HS6ST2: variants seen among roughly 807,000 people sequenced by gnomAD.
HS6ST2 encodes the protein heparan-sulfate 6-O-sulfotransferase 2.
Under a neutral mutation model 33.0 loss-of-function variants are expected in HS6ST2, and 17 were observed. The ratio of observed to expected loss-of-function variants is 0.52; its 90% CI spans 0.35 to 0.77. The LOEUF (loss-of-function observed/expected upper bound fraction) is 0.77, where lower values mean the gene tolerates loss of function less well. Ranked by LOEUF, HS6ST2 falls within the 30% of genes least tolerant of loss-of-function variation. The probability of loss-of-function intolerance (pLI) is 0.01; values close to 1 mark genes in which losing one functional copy is unlikely to be tolerated. For synonymous variants in HS6ST2, 248 were observed against 237.1 expected, an observed-to-expected ratio of 1.05 and a Z score of -0.42; for missense variants, 519 against 551.7, an observed-to-expected ratio of 0.94 and a Z score of 0.59.
intron 4 of HS6ST2, among the ~76,000 whole-genome samples, chrX:132,649,868 A>C (rs1037298247): frequency 1.8e-5 from 2 of 110,353 alleles, no homozygotes; most frequent in African/African-American, 3.3e-5. Context: ...AAAAAAAAAA[A>C]AAAACACAAC....
intron 2 of HS6ST2, among the ~76,000 whole-genome samples, chrX:132,882,524 G>A (rs1290866752): frequency 9.6e-6 from 1 of 103,854 alleles, no homozygotes; most frequent in Non-Finnish European, 2.0e-5. Context: ...GGACATTTTG[G>A]GCTGAGACGA....
intron 2 of HS6ST2, among the ~76,000 whole-genome samples, chrX:132,869,911 G>A (rs1001193886): frequency 9.0e-6 from 1 of 111,359 alleles, no homozygotes; most frequent in African/African-American, 3.3e-5. Context: ...TGGAAGTTCT[G>A]GCCAGGGAAA....
chrX:132,849,943 G>A (rs1017399060), intron 2 of HS6ST2, among the ~76,000 whole-genome samples: 1 of 111,995 alleles, frequency 8.9e-6, no homozygotes, highest in Non-Finnish European at 1.9e-5. Flanking sequence ...AGTCCAGAGA[G>A]GCAAAATGAT....
chrX:132,844,892 C>G (rs1176636195), intron 2 of HS6ST2, among the ~76,000 whole-genome samples: 1 of 109,981 alleles, frequency 9.1e-6, no homozygotes, highest in Non-Finnish European at 1.9e-5. Flanking sequence ...ATCTACTATG[C>G]TGAGCACCAT....
At chrX:132,866,416 G>T (rs2065982358) in intron 2 of HS6ST2, among the ~76,000 whole-genome samples, 1 of 91,701 alleles carries the variant, frequency 1.1e-5, no homozygotes, top group Admixed American at 1.2e-4. Flanking sequence ...GTAGTGTGAT[G>T]CCTCCAGCTT....
At chrX:132,798,935 C>T (rs1044093727) in intron 2 of HS6ST2, among the ~76,000 whole-genome samples, 1 of 112,028 alleles carries the variant, frequency 8.9e-6, no homozygotes, top group African/African-American at 3.2e-5. Context: ...AGAATTCCCT[C>T]ATGTCTATGT....
chrX:132,927,582 C>T (rs895413318), intron 2 of HS6ST2, among the ~76,000 whole-genome samples: 2 of 111,772 alleles, frequency 1.8e-5, no homozygotes, highest in African/African-American at 6.5e-5. Flanking sequence ...CTAAGGTTTC[C>T]CCCAATCCTT....
intron 2 of HS6ST2, among the ~76,000 whole-genome samples, chrX:132,825,097 TG>T (rs2065504330): frequency 1.8e-5 from 2 of 111,997 alleles, no homozygotes; most frequent in African/African-American, 6.5e-5. Flanking sequence ...AGTCCTGATG[TG>T]GGCCCAAGCT....
chrX:132,958,349 G>A lies in HS6ST2; in HGVS notation c.254C>T (p.Pro85Leu), dbSNP rs763422749. ...GCCCCGGGACAGCAGCGCGAAAAGCGGGGCGCACGCGGCTCCCGCCAGGGA... is the reference window on the plus strand; with the variant it reads ...GCCCCGGGACAGCAGCGCGAAAAGCAGGGCGCACGCGGCTCCCGCCAGGGA... ...SSSLAGAACA[P>L]LFALLSRGRR... is the part of the protein sequence containing the mutation. Residue 85 changes from proline to leucine, a missense_variant, in exon 1 of 5, where the codon CCG becomes CTG. By Grantham distance (98) the Pro-to-Leu change is moderately conservative. Transcript: ENST00000370833. 4.3e-5 allele frequency: 51 copies of A among 1,197,796 alleles called. No homozygotes were observed. The Admixed American group carries it at 5.7e-4, about 13-fold the overall frequency.
rs777768765 is a variant in HS6ST2 at position 132,796,421 on chromosome X, A to G, written c.948-87927T>C. 2.7e-5 allele frequency among the ~76,000 whole-genome samples: 3 copies of G among 112,407 alleles called. No homozygotes were observed. In the East Asian group the frequency reaches 8.4e-4, roughly 31 times the overall value. ...GGCCTAGGGTATGCTCTAAGTACCT[A>G]CCATATGCTTTCAATAAAAAGAGAA... is the stretch of plus-strand genomic sequence containing the variant. On this transcript the variant is annotated intron_variant, in intron 2 of 4. Transcript: ENST00000370833.
intron 3 of HS6ST2, among the ~76,000 whole-genome samples, chrX:132,675,767 C>A (rs1307487779): frequency 1.8e-5 from 2 of 112,033 alleles, no homozygotes; most frequent in South Asian, 7.6e-4. Flanking sequence ...TTTCTCTTTA[C>A]CACGGCCTAA....
chrX:132,838,569 T>C (rs1180167469), intron 2 of HS6ST2, among the ~76,000 whole-genome samples: 1 of 111,894 alleles, frequency 8.9e-6, no homozygotes, highest in African/African-American at 3.2e-5. Context: ...TAACTTGGAC[T>C]TGATTTTTTT....
chrX:132,863,818 T>A (rs1021650278), intron 2 of HS6ST2, among the ~76,000 whole-genome samples: 5 of 111,816 alleles, frequency 4.5e-5, no homozygotes, highest in African/African-American at 1.6e-4. Flanking sequence ...CCACTTATCT[T>A]CATCCCTAAA....
intron 2 of HS6ST2, among the ~76,000 whole-genome samples, chrX:132,807,520 G>C (rs1454465298): frequency 3.6e-5 from 4 of 110,953 alleles, no homozygotes; most frequent in Admixed American, 9.6e-5. Context: ...ACAGTGCCAG[G>C]GCTCATGCTT....
chrX:132,731,788 A>G (rs2064458986), intron 2 of HS6ST2, among the ~76,000 whole-genome samples: 1 of 110,784 alleles, frequency 9.0e-6, no homozygotes, highest in South Asian at 4.0e-4. Flanking sequence ...CGGAGCTTGC[A>G]GTGAGTGGAG....
At chrX:132,786,322 G>A (rs1231203426) in intron 2 of HS6ST2, among the ~76,000 whole-genome samples, 1 of 111,495 alleles carries the variant, frequency 9.0e-6, no homozygotes, top group Non-Finnish European at 1.9e-5. Context: ...GAATGCCAGG[G>A]CCAGCCTGCT....
intron 2 of HS6ST2, among the ~76,000 whole-genome samples, chrX:132,894,511 T>TTATG (rs1228401387): frequency 1.3e-3 from 146 of 108,522 alleles, no homozygotes; most frequent in African/African-American, 4.7e-3. Flanking sequence ...TTATGTTATG[T>TTATG]TATGTTATGT....
At position 132,822,766 on chromosome X, in the gene HS6ST2, G is replaced by A. The variant is rs763899887; in HGVS notation, c.948-114272C>T. On this transcript the variant is annotated intron_variant, in intron 2 of 4. Coordinates refer to ENST00000370833, the MANE Select transcript of HS6ST2 (RefSeq NM_001394073.1). ...GTTTCTGTGCATGATTTTCCCTTAAGAGAGGGAAAATGTTTATCAACCATT... is the reference window on the plus strand; with the variant it reads ...GTTTCTGTGCATGATTTTCCCTTAAAAGAGGGAAAATGTTTATCAACCATT... 2.7e-5 allele frequency among the ~76,000 whole-genome samples: 3 copies of A among 112,114 alleles called. No individual in the cohort carries two copies. In the South Asian group the frequency reaches 1.1e-3, roughly 42 times the overall value.
chrX:132,733,887 A>G (rs2064481997), intron 2 of HS6ST2, among the ~76,000 whole-genome samples: 1 of 108,451 alleles, frequency 9.2e-6, no homozygotes, highest in African/African-American at 3.4e-5. Flanking sequence ...CTACTTACCC[A>G]CGATCAAAGC....
Sources: gnomAD v4.1 joint callset for allele counts (sites outside exome capture counted in the v4.1 genomes callset) on GRCh38, gnomAD v4.1.1 for gene constraint, MANE v1.5 for transcripts, NCBI Gene and HGNC (gene_info 2026-07-23, HGNC 2026-07-21) for gene names.